Variants in POLR1F observed in about 807,000 individuals in gnomAD.
The protein encoded by POLR1F is DNA-directed RNA polymerase I subunit RPA43.
Under a neutral mutation model 21.8 loss-of-function variants are expected in POLR1F, and 23 were observed. The ratio of observed to expected loss-of-function variants is 1.05; its 90% CI spans 0.76 to 1.49. The LOEUF is 1.49. POLR1F is among the 40% of genes most tolerant of loss of function. The pLI, the probability that POLR1F is intolerant of heterozygous loss-of-function variation, is 0.00. For synonymous variants in POLR1F, 162 were observed against 152.8 expected (o/e 1.06, Z -0.45); for missense variants, 435 against 412.1 (o/e 1.06, Z -0.48).
rs1783358718 is a variant in POLR1F at position 19,696,051 on chromosome 7, T to A, written c.*2265A>T. 6.6e-6 allele frequency: 1 copy of A among 152,118 alleles called. No homozygotes were observed. Among genetic ancestry groups the A allele is most frequent in the Admixed American group, 6.5e-5 (1 of 15,274 alleles). 9.4% of individuals were successfully genotyped at this position (152,118 alleles called of 1,614,324 possible). A position where few individuals can be genotyped will look rare whatever the true frequency, so the allele number is the denominator to read the frequency against. On this transcript the variant is annotated 3_prime_UTR_variant, in exon 4 of 4. Coordinates refer to ENST00000222567, the MANE Select transcript of POLR1F (RefSeq NM_001002926.2). ...AGTGAAATGGGTGAATGATAGGAAC[T>A]GGAGAGAGGGTAAGGGATCTAGTCT... is the stretch of plus-strand genomic sequence containing the variant.
At chr7:19,703,032 T>G (rs772889357) in intron 2 of POLR1F, among the ~76,000 whole-genome samples, 1 of 152,178 alleles carries the variant, frequency 6.6e-6, no homozygotes, top group African/African-American at 2.4e-5. Flanking sequence ...AAATATATGT[T>G]TTCAATAGCT....
At position 19,704,347 on chromosome 7, in the gene POLR1F, T is replaced by C. The variant is rs548958231; in HGVS notation, c.396+432A>G. 1.1e-4 allele frequency among the ~76,000 whole-genome samples: 16 copies of C among 152,336 alleles called. No homozygotes were observed. In the South Asian group the frequency reaches 1.4e-3, roughly 14 times the overall value. On this transcript the variant is annotated intron_variant, in intron 2 of 3. Transcript: ENST00000222567. ...AAGACCTTTCCCACAGAGCTTCCAT[T>C]TCCAAGGCACAGACTGGCTGCCCTG... is the stretch of plus-strand genomic sequence containing the variant.
chr7:19,708,948 A>C lies in POLR1F; in HGVS notation c.69T>G (p.Ala23=). ...AASDGSLVGQ[A]GVLPCLELPT... ...GCAACTCTAGGCAAGGCAGGACGCC[A>C]GCCTGCCCTACCAGAGACCCATCAG... Residue 23 remains alanine, a synonymous_variant, in exon 1 of 4, where the codon GCT becomes GCG. Transcript: ENST00000222567. 6.2e-7 allele frequency: 1 copy of C among 1,612,578 alleles called. No individual in the cohort carries two copies. The highest frequency in any genetic ancestry group is 8.5e-7 in the Non-Finnish European group (1 of 1,179,726).
rs1467740108 is a variant in POLR1F, at chr7:19,696,387, G to A, written c.*1929C>T. The stretch of plus-strand genomic sequence containing the variant: ...AAGTATTACTTGAAGCAAAACAAAA[G>A]TAACGTGGGAACTTGCTTATTTGCT... On this transcript the variant is annotated 3_prime_UTR_variant, in exon 4 of 4. Coordinates refer to ENST00000222567, the MANE Select transcript of POLR1F (RefSeq NM_001002926.2). 2.0e-5 allele frequency: 3 copies of A among 151,968 alleles called. No homozygotes were observed. Among genetic ancestry groups the A allele is most frequent in the African/African-American group, 7.2e-5 (3 of 41,390 alleles). 9.4% of individuals were successfully genotyped at this position (151,968 alleles called of 1,614,324 possible).
intron 1 of POLR1F, among the ~76,000 whole-genome samples, chr7:19,708,039 C>G (rs1172166297): frequency 1.3e-5 from 2 of 151,948 alleles, no homozygotes; most frequent in Admixed American, 1.3e-4. Context: ...CAAGCACATG[C>G]CCGCGCCCCC....
Position 19,708,748 on chromosome 7 carries a change from CAA to C in POLR1F, c.254+13_254+14del. The C allele has an allele frequency of 1.3e-6, 2 of 1,594,330 alleles. No individual in the cohort carries two copies. The highest frequency in any genetic ancestry group is 4.5e-5 in the East Asian group (2 of 44,338). ...TCCCGTGCACAAAAGAAGGAACAGG[CAA>C]AGAGATCGGTACCTCTCAGAATAGC... On this transcript the variant is annotated intron_variant, in intron 1 of 3. Transcript: ENST00000222567.
rs775851473 is a variant in POLR1F, at chr7:19,698,400, C to CT, written c.932dup (p.Lys312GlufsTer6). 9.3e-6 allele frequency: 15 copies of CT among 1,606,476 alleles called. No homozygotes were observed. Among genetic ancestry groups the CT allele is most frequent in the African/African-American group, 4.0e-5 (3 of 74,098 alleles). On this transcript the variant is annotated frameshift_variant, in exon 4 of 4. Coordinates refer to ENST00000222567, the MANE Select transcript of POLR1F (RefSeq NM_001002926.2). LOFTEE classifies it high-confidence loss of function. ...CGGCCTCTTCACTGTGTTTTCTTTT[C>CT]TTTTTTTTCTTTTTATGGTCACTTT...
chr7:19,708,508 G>C (rs1783568160), intron 1 of POLR1F, among the ~76,000 whole-genome samples: 1 of 152,110 alleles, frequency 6.6e-6, no homozygotes, highest in Non-Finnish European at 1.5e-5. Flanking sequence ...TCTGGAGCAA[G>C]AATCTCCACT....
In POLR1F at chr7:19,700,285, G is replaced by A. The variant is rs554776089; in HGVS notation, c.397-5C>T. The A allele has an allele frequency of 6.2e-7, 1 of 1,608,458 alleles. No homozygotes were observed. The highest frequency in any genetic ancestry group is 1.3e-5 in the African/African-American group (1 of 74,864). ...AGACACTTTATTAACTATACCCTGG[G>A]AAGAAGAAGGAAGAAAGAGCGTAAC... On this transcript the variant is annotated splice_region_variant and splice_polypyrimidine_tract_variant and intron_variant, in intron 2 of 3. Coordinates refer to ENST00000222567, the MANE Select transcript of POLR1F (RefSeq NM_001002926.2).
Position 19,698,618 on chromosome 7 carries a change from C to G in POLR1F, c.715G>C (p.Glu239Gln), listed in dbSNP as rs1452865175. The change falls in exon 4 of 4, where the codon GAA (glutamate) becomes CAA (glutamine). Residue 239 changes from glutamate to glutamine, a missense_variant. Transcript: ENST00000222567. Reference protein sequence around the residue: ...KKKKKDPETYEVDSGTTKLAD... With the variant: ...KKKKKDPETYQVDSGTTKLAD... ...AGCTTTGTGGTACCACTGTCCACTTCATATGTCTCTGGGTCTTTCTTCTTT... is the reference window on the plus strand; with the variant it reads ...AGCTTTGTGGTACCACTGTCCACTTGATATGTCTCTGGGTCTTTCTTCTTT... 1 of 1,611,718 alleles carries G rather than the reference C, an allele frequency of 6.2e-7. No homozygotes were observed. Among genetic ancestry groups the G allele is most frequent in the African/African-American group, 1.3e-5 (1 of 74,710 alleles).
chr7:19,700,323 T>G, intron 2 of POLR1F, 43 bp from the exon 3 acceptor site: 12 of 1,498,916 alleles, frequency 8.0e-6, no homozygotes, highest in Non-Finnish European at 1.1e-5. Context: ...AAAGAACACA[T>G]CCACAAAGTT....
intron 1 of POLR1F, among the ~76,000 whole-genome samples, chr7:19,708,232 C>G (rs1016591623): frequency 6.6e-6 from 1 of 152,082 alleles, no homozygotes; most frequent in Non-Finnish European, 1.5e-5. Flanking sequence ...AGATCAGGTC[C>G]AAGAGAAGAG....
In POLR1F at chr7:19,700,109, C is replaced by CT; in HGVS notation, c.567_568insA (p.Gly190ArgfsTer20). 6.2e-7 allele frequency: 1 copy of CT among 1,613,846 alleles called. No individual in the cohort carries two copies. Among genetic ancestry groups the CT allele is most frequent in the Non-Finnish European group, 8.5e-7 (1 of 1,179,802 alleles). ...AGTTTTCCCCGAATGCAGAATACTC[C>CT]AGCAGCATCTGAGTCTAAACGAAAT... On this transcript the variant is annotated frameshift_variant, in exon 3 of 4. Transcript: ENST00000222567. LOFTEE classifies it low-confidence loss of function (END_TRUNC).
rs1471130168 is a variant in POLR1F, at chr7:19,704,762, A to T, written c.396+17T>A. On this transcript the variant is annotated intron_variant, in intron 2 of 3. Coordinates refer to ENST00000222567, the MANE Select transcript of POLR1F (RefSeq NM_001002926.2). ...TAGAATTATACAAAGGGAGCTAGAA[A>T]AAAGTGATACACATACCATAAGCTT... The T allele has an allele frequency of 6.4e-7, 1 of 1,574,386 alleles. No individual in the cohort carries two copies. The highest frequency in any genetic ancestry group is 2.1e-5 in the Admixed American group (1 of 48,248).
At chr7:19,700,911 T>A (rs1562595603) in intron 2 of POLR1F, among the ~76,000 whole-genome samples, 1 of 152,232 alleles carries the variant, frequency 6.6e-6, no homozygotes, top group Non-Finnish European at 1.5e-5. Context: ...CAAAAGTATG[T>A]GCTATATGAT....
chr7:19,708,525 G>GCC (rs1199164776), intron 1 of POLR1F, among the ~76,000 whole-genome samples: 1 of 151,966 alleles, frequency 6.6e-6, no homozygotes, highest in Non-Finnish European at 1.5e-5. Context: ...CACTCCCTCC[G>GCC]CCCACACCTG....
intron 1 of POLR1F, among the ~76,000 whole-genome samples, chr7:19,705,870 A>G (rs1270317715): frequency 6.6e-6 from 1 of 152,142 alleles, no homozygotes; most frequent in East Asian, 1.9e-4. Context: ...AAAAAACAAC[A>G]AAACAAACAA....
rs528551481 is a variant in POLR1F at position 19,696,391 on chromosome 7, C to T, written c.*1925G>A. The T allele has an allele frequency of 8.5e-5, 13 of 152,110 alleles. No homozygotes were observed. The East Asian group carries it at 1.7e-3, about 20-fold the overall frequency. The allele number at this position is 152,110 out of a possible 1,614,324, so 9.4% of individuals were successfully genotyped here. ...ATTACTTGAAGCAAAACAAAAGTAA[C>T]GTGGGAACTTGCTTATTTGCTAAGC... On this transcript the variant is annotated 3_prime_UTR_variant, in exon 4 of 4. Transcript: ENST00000222567.
intron 1 of POLR1F, among the ~76,000 whole-genome samples, chr7:19,706,572 T>C (rs1305364131): frequency 6.6e-6 from 1 of 152,178 alleles, no homozygotes; most frequent in African/African-American, 2.4e-5. Flanking sequence ...TGAGGAAATG[T>C]CCTTCGCTCT....
Sources: gnomAD v4.1 joint callset for allele counts (sites outside exome capture counted in the v4.1 genomes callset) on GRCh38, gnomAD v4.1.1 for gene constraint, MANE v1.5 for transcripts, NCBI Gene and HGNC (gene_info 2026-07-23, HGNC 2026-07-21) for gene names.